The following PPP1R7 variants were observed in gnomAD, a reference collection of about 807,000 sequenced individuals.
PPP1R7 encodes protein phosphatase 1 regulatory subunit 22.
In PPP1R7, 18 loss-of-function variants were observed where a neutral mutation model predicts 45.2. The ratio of observed to expected loss-of-function variants is 0.40; its 90% confidence interval spans 0.28 to 0.59. The LOEUF is 0.59. Among genes scored for constraint, PPP1R7 ranks in the 20% least tolerant of loss-of-function variants. PPP1R7 has a pLI of 0.46. For missense variants in PPP1R7, 314 were observed against 455.8 expected (o/e 0.69, Z 2.83); for synonymous variants, 181 against 183.4 (o/e 0.99, Z 0.11).
intron 5 of PPP1R7, among the ~76,000 whole-genome samples, chr2:241,159,707 A>G (rs75899632): frequency 3.9e-5 from 6 of 152,040 alleles, no homozygotes; most frequent in African/African-American, 1.4e-4. Flanking sequence ...TTTTTTAATT[A>G]CAAAAAAAAG....
intron 7 of PPP1R7, among the ~76,000 whole-genome samples, chr2:241,165,625 G>A (rs183001277): frequency 9.2e-5 from 14 of 151,766 alleles, no homozygotes; most frequent in Non-Finnish European, 1.3e-4. Context: ...ACGGAGTCTC[G>A]CTCTGTCACC....
chr2:241,163,225 C>A, intron 6 of PPP1R7, 60 bp from the exon 7 acceptor site: 1 of 1,162,566 alleles, frequency 8.6e-7, no homozygotes, highest in Non-Finnish European at 1.3e-6. Context: ...CAGGCACCTG[C>A]TGGCTGCCTG....
chr2:241,158,317 A>G, intron 3 of PPP1R7, 167 bp from the exon 4 acceptor site: 1 of 636,516 alleles, frequency 1.6e-6, no homozygotes, highest in Non-Finnish European at 2.8e-6. Context: ...AGTCATCACT[A>G]AGCCAAAGAG....
At chr2:241,149,577 A>G (rs930240522), upstream of PPP1R7, 16 of 1,414,038 alleles carry the variant, frequency 1.1e-5, no homozygotes, top group Middle Eastern at 5.5e-4. Flanking sequence ...CAGAGTCTAG[A>G]AGCCCGCGCT....
intron 8 of PPP1R7, among the ~76,000 whole-genome samples, chr2:241,168,591 C>G (rs2067761505): frequency 1.3e-5 from 2 of 152,188 alleles, no homozygotes; most frequent in African/African-American, 4.8e-5. Flanking sequence ...ACTGTTGAGC[C>G]TGATACTCTG....
intron 2 of PPP1R7, among the ~76,000 whole-genome samples, 155 bp from the exon 3 acceptor site, chr2:241,157,652 C>T (rs537524038): frequency 1.2e-4 from 18 of 152,370 alleles, no homozygotes; most frequent in African/African-American, 4.1e-4. Flanking sequence ...CTGCCACATT[C>T]TCCAGGTCCT....
chr2:241,156,361 G>A (rs2125483292), intron 2 of PPP1R7, among the ~76,000 whole-genome samples: 1 of 152,312 alleles, frequency 6.6e-6, no homozygotes, highest in South Asian at 2.1e-4. Flanking sequence ...AACTGCAAGG[G>A]GAAAAAAGAA....
At chr2:241,158,012 A>AGT in intron 3 of PPP1R7, 150 bp downstream of exon 3, 1 of 765,558 alleles carries the variant, frequency 1.3e-6, no homozygotes, top group Non-Finnish European at 2.1e-6. Context: ...TTTTCTTACC[A>AGT]GTGATTGTTA....
intron 2 of PPP1R7, among the ~76,000 whole-genome samples, chr2:241,155,621 C>T (rs1301756244): frequency 2.6e-5 from 4 of 152,216 alleles, no homozygotes; most frequent in African/African-American, 9.7e-5. Flanking sequence ...CAGAGGTTAG[C>T]TGACATTTTG....
chr2:241,153,434 C>G (rs754360277), intron 1 of PPP1R7, 42 bp from the exon 2 acceptor site: 2 of 1,611,962 alleles, frequency 1.2e-6, no homozygotes, highest in East Asian at 2.2e-5. Flanking sequence ...CTCAAAGTCC[C>G]ATAAAGTGGA....
Position 241,153,527 on chromosome 2 carries a change from A to G in PPP1R7, c.104A>G (p.His35Arg), listed in dbSNP as rs1225022429. 1 of 1,614,124 alleles carries G rather than the reference A, an allele frequency of 6.2e-7. No homozygotes were observed. Among genetic ancestry groups the G allele is most frequent in the African/African-American group, 1.3e-5 (1 of 74,948 alleles). ...TCCGGCGATGAAGAAGGGAAGAAACACAGCAGTGGCATCGTGGCCGACCTC... is the reference window on the plus strand; with the variant it reads ...TCCGGCGATGAAGAAGGGAAGAAACGCAGCAGTGGCATCGTGGCCGACCTC... Reference protein sequence around the residue: ...EESGDEEGKKHSSGIVADLSE... With the variant: ...EESGDEEGKKRSSGIVADLSE... The change falls in exon 2 of 10, where the codon CAC becomes CGC. Residue 35 changes from histidine (H) to arginine (R), a missense_variant. By Grantham distance (29) the His-to-Arg change is conservative (BLOSUM62 0). This residue lies in a region of PPP1R7 where 112 missense variants were observed against 144.5 expected (regional missense o/e 0.78). Coordinates refer to ENST00000234038, the MANE Select transcript of PPP1R7 (RefSeq NM_002712.3).
intron 7 of PPP1R7, among the ~76,000 whole-genome samples, chr2:241,165,044 T>G (rs1298408418): frequency 6.6e-6 from 1 of 151,890 alleles, no homozygotes; most frequent in Non-Finnish European, 1.5e-5. Flanking sequence ...CGAGAGTCCA[T>G]CTCAAAAAAA....
chr2:241,157,905 C>T, intron 3 of PPP1R7, 43 bp downstream of exon 3: 7 of 1,571,008 alleles, frequency 4.5e-6, no homozygotes, highest in South Asian at 3.3e-5. Context: ...TGGTGATGGA[C>T]CACCCTGTCA....
intron 1 of PPP1R7, 48 bp downstream of exon 1, chr2:241,150,595 G>A (rs775320126): frequency 2.0e-5 from 31 of 1,558,864 alleles, no homozygotes; most frequent in Admixed American, 5.6e-5. Context: ...CGGGCGGGGG[G>A]AGCTGCGGGC....
chr2:241,169,444 T>C (rs1006886420), intron 8 of PPP1R7, among the ~76,000 whole-genome samples: 1 of 152,166 alleles, frequency 6.6e-6, no homozygotes, highest in African/African-American at 2.4e-5. Context: ...CGTCAGGGGG[T>C]TACTCGGTTC....
chr2:241,172,807 C>T (rs2067840679), intron 9 of PPP1R7, among the ~76,000 whole-genome samples: 1 of 152,186 alleles, frequency 6.6e-6, no homozygotes, highest in South Asian at 2.1e-4. Context: ...CAATCCTTCA[C>T]TTTGATTTGT....
intron 9 of PPP1R7, among the ~76,000 whole-genome samples, chr2:241,180,230 T>C (rs554312507): frequency 6.6e-6 from 1 of 152,266 alleles, no homozygotes; most frequent in South Asian, 2.1e-4. Flanking sequence ...AACAGTGTGA[T>C]ATTGCTACTT....
chr2:241,176,284 C>T (rs2067906599), intron 9 of PPP1R7, among the ~76,000 whole-genome samples: 1 of 152,148 alleles, frequency 6.6e-6, no homozygotes, highest in African/African-American at 2.4e-5. Flanking sequence ...AGGCCAGCTA[C>T]AGATAACATT....
At chr2:241,180,375 A>G (rs1222621662) in intron 9 of PPP1R7, among the ~76,000 whole-genome samples, 1 of 130,698 alleles carries the variant, frequency 7.7e-6, no homozygotes, top group Non-Finnish European at 1.6e-5. Context: ...TACTCTAACG[A>G]TCGCTGGTGA....
Sources: gnomAD v4.1 joint callset for allele counts (sites outside exome capture counted in the v4.1 genomes callset) on GRCh38, gnomAD v4.1.1 for gene constraint, gnomAD v4.1.1 regional missense constraint, MANE v1.5 for transcripts, NCBI Gene and HGNC (gene_info 2026-07-23, HGNC 2026-07-21) for gene names.